Variants in FOXN3 observed in about 807,000 individuals in gnomAD.
The protein encoded by FOXN3 is forkhead box protein N3.
In FOXN3, 7 loss-of-function variants were observed where a neutral mutation model predicts 38.4. The ratio of observed to expected loss-of-function variants is 0.18; its 90% CI spans 0.10 to 0.34. The LOEUF is 0.34. Ranked by LOEUF, FOXN3 falls within the 10% of genes least tolerant of loss-of-function variation. The pLI is 1.00. For synonymous variants in FOXN3, 230 were observed against 242.2 expected (o/e 0.95, Z 0.47); for missense variants, 456 against 613.4 (o/e 0.74, Z 2.71).
At position 89,218,834 on chromosome 14, in the gene FOXN3, C is replaced by A. The variant is rs1419247937; in HGVS notation, c.746-38028G>T. ...ATGAGAGGTCTGGACTGAACAGTCACCATTATGACCCTACTTCTATTGTAC... is the reference window on the plus strand; with the variant it reads ...ATGAGAGGTCTGGACTGAACAGTCAACATTATGACCCTACTTCTATTGTAC... On this transcript the variant is annotated intron_variant, in intron 4 of 5. Coordinates refer to ENST00000557258, the MANE Select transcript of FOXN3 (RefSeq NM_005197.4). Among the ~76,000 whole-genome samples the A allele has an allele frequency of 2.0e-5, 3 of 152,150 alleles. No homozygotes were observed. In the East Asian group the frequency reaches 5.8e-4, roughly 29 times the overall value.
chr14:89,554,167 A>G (rs1895065509), intron 1 of FOXN3, among the ~76,000 whole-genome samples: 1 of 151,982 alleles, frequency 6.6e-6, no homozygotes, highest in Non-Finnish European at 1.5e-5. Context: ...ATACCCGGCT[A>G]ATTTTTGTAT....
In FOXN3 at chr14:89,548,426, C is replaced by T. The variant is rs1036268569; in HGVS notation, c.-15+70602G>A. Among the ~76,000 whole-genome samples, 1 of 152,176 alleles carries T rather than the reference C, an allele frequency of 6.6e-6. No individual in the cohort carries two copies. The highest frequency in any genetic ancestry group is 2.4e-5 in the African/African-American group (1 of 41,438). Reference sequence around the variant, plus strand: ...TACTCTTGCTAATATAGCAGGGTAACAGAGACGGAAAAATCAAAGCGGTAG... The same window carrying T: ...TACTCTTGCTAATATAGCAGGGTAATAGAGACGGAAAAATCAAAGCGGTAG... On this transcript the variant is annotated intron_variant, in intron 1 of 6. Transcript: ENST00000345097. This position sits in a 1 kb window ranked among gnomAD's most constrained non-coding sequence, Gnocchi z 4.8.
At chr14:89,581,486 G>GAA (rs71107534) in intron 1 of FOXN3, among the ~76,000 whole-genome samples, 3,812 of 145,688 alleles carry the variant, frequency 0.026, 93 homozygotes, top group Admixed American at 0.047. Context: ...CTGTCTCAAA[G>GAA]AAAAAAAAAA....
intron 1 of FOXN3, among the ~76,000 whole-genome samples, chr14:89,504,307 G>C (rs941044798): frequency 6.6e-6 from 1 of 152,210 alleles, no homozygotes; most frequent in Admixed American, 6.5e-5. Context: ...TTGCAGGACG[G>C]CTGCATTGCC....
intron 4 of FOXN3, among the ~76,000 whole-genome samples, chr14:89,246,696 G>A (rs1885310494): frequency 6.6e-6 from 1 of 151,758 alleles, no homozygotes; most frequent in Admixed American, 6.6e-5. Context: ...CCGCCACCAC[G>A]CCTGGCTAAT....
chr14:89,375,724 C>G (rs1280145637), intron 2 of FOXN3, among the ~76,000 whole-genome samples: 1 of 152,034 alleles, frequency 6.6e-6, no homozygotes, highest in Non-Finnish European at 1.5e-5. Flanking sequence ...TAATAATACC[C>G]CAGCTATAAT....
chr14:89,270,163 A>G (rs1261844063), intron 4 of FOXN3, among the ~76,000 whole-genome samples: 1 of 152,234 alleles, frequency 6.6e-6, no homozygotes, highest in Non-Finnish European at 1.5e-5. Flanking sequence ...AGGGTCAGAA[A>G]GGATAGCCAG....
chr14:89,387,225 T>C (rs1294264514), intron 2 of FOXN3, among the ~76,000 whole-genome samples: 1 of 152,220 alleles, frequency 6.6e-6, no homozygotes, highest in African/African-American at 2.4e-5. Flanking sequence ...CACTGCACTT[T>C]AGCTTGGGAG....
chr14:89,327,989 T>C (rs188472633), intron 3 of FOXN3, among the ~76,000 whole-genome samples: 2 of 152,300 alleles, frequency 1.3e-5, no homozygotes, highest in Admixed American at 1.3e-4. Flanking sequence ...GTTTTCAGAC[T>C]CCCAAATAGC....
At chr14:89,431,211 C>A (rs1455700564) in intron 1 of FOXN3, among the ~76,000 whole-genome samples, 2 of 151,998 alleles carry the variant, frequency 1.3e-5, no homozygotes, top group Non-Finnish European at 2.9e-5. Flanking sequence ...TTGCTTGTTT[C>A]TTTGAGACAG....
At chr14:89,356,085 A>G (rs1315664017) in intron 2 of FOXN3, among the ~76,000 whole-genome samples, 1 of 152,114 alleles carries the variant, frequency 6.6e-6, no homozygotes, top group Admixed American at 6.5e-5. Context: ...AAAAAAAAAA[A>G]GTATGATTTT....
At chr14:89,511,249 T>TTCTTTCTC (rs1894078851) in intron 1 of FOXN3, among the ~76,000 whole-genome samples, 1 of 13,072 alleles carries the variant, frequency 7.6e-5, no homozygotes, top group Non-Finnish European at 2.6e-4. Flanking sequence ...TTTCTTTCTT[T>TTCTTTCTC]TCTTTCTTTC....
chr14:89,446,496 T>A (rs552885748), intron 1 of FOXN3, among the ~76,000 whole-genome samples: 72 of 152,256 alleles, frequency 4.7e-4, no homozygotes, highest in African/African-American at 1.3e-3. Flanking sequence ...TCCCTAAAAG[T>A]CACTTTTTTA....
chr14:89,189,394 G>A (rs1420681488), intron 4 of FOXN3, among the ~76,000 whole-genome samples: 3 of 152,220 alleles, frequency 2.0e-5, no homozygotes, highest in African/African-American at 7.2e-5. Context: ...GCCATAAGAA[G>A]GAGATAGGTG....
At chr14:89,217,299 A>G (rs560696925) in intron 4 of FOXN3, among the ~76,000 whole-genome samples, 11 of 151,972 alleles carry the variant, frequency 7.2e-5, no homozygotes, top group African/African-American at 2.4e-4. Context: ...GCCACCACAC[A>G]TGGCTATTTT....
intron 1 of FOXN3, among the ~76,000 whole-genome samples, chr14:89,475,730 G>C (rs918778646): frequency 1.3e-5 from 2 of 152,178 alleles, no homozygotes; most frequent in African/African-American, 4.8e-5. Flanking sequence ...ACAGCCTTGT[G>C]CCATTCCATA....
intron 1 of FOXN3, among the ~76,000 whole-genome samples, chr14:89,477,521 C>T (rs1280980812): frequency 1.3e-5 from 2 of 152,246 alleles, no homozygotes; most frequent in African/African-American, 4.8e-5. Context: ...TTCCCACTTT[C>T]GGCCTTGGGG....
In FOXN3 at chr14:89,413,649, GT is replaced by G. The variant is rs1378414757; in HGVS notation, c.-14-1160del. Among the ~76,000 whole-genome samples the G allele has an allele frequency of 1.2e-4, 11 of 93,754 alleles. No individual in the cohort carries two copies. In the Admixed American group the frequency reaches 1.4e-3, roughly 12 times the overall value. 61.5% of individuals were successfully genotyped at this position (93,754 alleles called of 152,430 possible). On this transcript the variant is annotated intron_variant, in intron 1 of 5. Transcript: ENST00000557258. The stretch of plus-strand genomic sequence containing the variant: ...TGCTGTCTCAAAAGTTTTGAAGAAG[GT>G]AAGGAAGAAGGGAAGGGAATGGAAG...
At chr14:89,168,893 T>A (rs2139781048) in intron 5 of FOXN3, among the ~76,000 whole-genome samples, 1 of 152,280 alleles carries the variant, frequency 6.6e-6, no homozygotes, top group East Asian at 1.9e-4. Flanking sequence ...CCTAAAGTAC[T>A]AATTAAGATA....
Sources: allele counts gnomAD v4.1 joint callset (sites outside exome capture counted in the v4.1 genomes callset), GRCh38; gene constraint gnomAD v4.1.1; non-coding constraint Gnocchi (gnomAD v3.1); transcripts MANE v1.5; gene names NCBI Gene and HGNC (gene_info 2026-07-23, HGNC 2026-07-21).